Variants in ESRRG observed in about 807,000 individuals in gnomAD.
ESRRG encodes the protein estrogen related receptor gamma, also known as estrogen-related receptor gamma.
In ESRRG, 13 loss-of-function variants were observed where a neutral mutation model predicts 44.0. That is an observed-to-expected ratio of 0.30 (90% CI 0.19 to 0.47). ESRRG has a LOEUF of 0.47. Among genes scored for constraint, ESRRG ranks in the 20% least tolerant of loss-of-function variants. The pLI, the probability that ESRRG is intolerant of heterozygous loss-of-function variation, is 1.00. For missense variants in ESRRG, 395 were observed against 580.6 expected (o/e 0.68, Z 3.29); for synonymous variants, 215 against 214.6 (o/e 1.00, Z -0.02).
At chr1:216,680,590 C>A (rs1203189132) in intron 1 of ESRRG, among the ~76,000 whole-genome samples, 2 of 152,204 alleles carry the variant, frequency 1.3e-5, no homozygotes, top group Non-Finnish European at 2.9e-5. Context: ...CAGGTCTGCC[C>A]TACTGCATCA....
intron 3 of ESRRG, among the ~76,000 whole-genome samples, chr1:216,622,353 G>A (rs11577585): frequency 0.17 from 25,503 of 152,024 alleles, 2,379 homozygotes; most frequent in Middle Eastern, 0.26. Flanking sequence ...TTCAGGAACC[G>A]AACCCTGATG....
At chr1:216,592,604 G>T (rs374878057) in intron 3 of ESRRG, among the ~76,000 whole-genome samples, 1 of 151,858 alleles carries the variant, frequency 6.6e-6, no homozygotes, top group Non-Finnish European at 1.5e-5. Context: ...AGGTTCAAGC[G>T]ATTCTCCTGC....
intron 1 of ESRRG, chr1:216,701,440 T>C (rs1487967636): frequency 1.3e-5 from 2 of 152,350 alleles, no homozygotes; most frequent in African/African-American, 4.8e-5. Context: ...CGTTCCTCTA[T>C]GCACAGATGC....
At chr1:216,732,434 T>C (rs1322698220) in intron 2 of ESRRG, among the ~76,000 whole-genome samples, 1 of 151,510 alleles carries the variant, frequency 6.6e-6, no homozygotes, top group African/African-American at 2.4e-5. Context: ...TGGTGTGCAG[T>C]GGCACAATCT....
In ESRRG at chr1:216,925,642, C is replaced by T. The variant is rs1396257061; in HGVS notation, c.-14+13940G>A. 2.6e-5 allele frequency among the ~76,000 whole-genome samples: 4 copies of T among 151,742 alleles called. No individual in the cohort carries two copies. The East Asian group carries it at 7.8e-4, about 30-fold the overall frequency. On this transcript the variant is annotated intron_variant, in intron 2 of 7. Coordinates refer to the ESRRG transcript ENST00000359162. ...GTGGGGGCGGAATGCTCCTTCTTTT[C>T]CTGGTTTATTCAAAGTGGGTCTGCT...
At chr1:216,928,636 G>A (rs1162505167) in intron 2 of ESRRG, among the ~76,000 whole-genome samples, 1 of 152,006 alleles carries the variant, frequency 6.6e-6, no homozygotes, top group Non-Finnish European at 1.5e-5. Flanking sequence ...CCATCACCCA[G>A]GTTACTAGAT....
intron 6 of ESRRG, among the ~76,000 whole-genome samples, chr1:216,510,745 C>T (rs1259591261): frequency 1.3e-5 from 2 of 152,046 alleles, no homozygotes; most frequent in African/African-American, 2.4e-5. Context: ...ATTAGCCGGG[C>T]GTAGTGGTGG....
At chr1:216,905,104 C>G (rs2059540350) in intron 2 of ESRRG, among the ~76,000 whole-genome samples, 1 of 152,138 alleles carries the variant, frequency 6.6e-6, no homozygotes, top group Admixed American at 6.5e-5. Context: ...ACAAGGAATA[C>G]TACAGGGACG....
At chr1:216,688,198 G>A (rs1025110810) in intron 1 of ESRRG, among the ~76,000 whole-genome samples, 2 of 152,184 alleles carry the variant, frequency 1.3e-5, no homozygotes, top group African/African-American at 2.4e-5. Flanking sequence ...TTCTAAATAT[G>A]ACAAGGTGCT....
intron 2 of ESRRG, among the ~76,000 whole-genome samples, chr1:216,915,765 G>A (rs1347603173): frequency 6.6e-6 from 1 of 152,186 alleles, no homozygotes. Flanking sequence ...AAGAACCCAG[G>A]AATGTCTATT....
At chr1:217,106,603 G>A (rs2092600184) in intron 1 of ESRRG, among the ~76,000 whole-genome samples, 1 of 152,128 alleles carries the variant, frequency 6.6e-6, no homozygotes, top group Non-Finnish European at 1.5e-5. Context: ...TGGATCAGGA[G>A]GGATTTTCTG....
chr1:217,039,721 C>T (rs998759638), intron 1 of ESRRG, among the ~76,000 whole-genome samples: 20 of 152,294 alleles, frequency 1.3e-4, no homozygotes, highest in African/African-American at 4.6e-4. Context: ...CTTTAAAGCA[C>T]TTAAATTAAG....
At chr1:216,964,633 C>T (rs578087278) in intron 1 of ESRRG, among the ~76,000 whole-genome samples, 6 of 152,122 alleles carry the variant, frequency 3.9e-5, no homozygotes, top group African/African-American at 1.2e-4. Context: ...TAAAGCTACA[C>T]CTGGAAGGAA....
At chr1:216,618,263 A>G (rs1857407) in intron 3 of ESRRG, among the ~76,000 whole-genome samples, 63,196 of 152,116 alleles carry the variant, frequency 0.42, 13,901 homozygotes, top group Middle Eastern at 0.51. Flanking sequence ...ACCCTGATAG[A>G]TTTGCGTGTT....
chr1:216,869,525 C>T (rs868296872), intron 2 of ESRRG, among the ~76,000 whole-genome samples: 41 of 152,032 alleles, frequency 2.7e-4, no homozygotes, highest in Admixed American at 5.2e-4. Context: ...TTCAGTTATG[C>T]TAGCTCCTTT....
At chr1:217,135,932 C>A (rs1317792826) in intron 1 of ESRRG, among the ~76,000 whole-genome samples, 1 of 152,082 alleles carries the variant, frequency 6.6e-6, no homozygotes, top group East Asian at 1.9e-4. Flanking sequence ...TTTCTGGGGA[C>A]GACCTTACTC....
intron 3 of ESRRG, among the ~76,000 whole-genome samples, chr1:216,581,906 G>A (rs1469377439): frequency 6.6e-6 from 1 of 152,176 alleles, no homozygotes; most frequent in African/African-American, 2.4e-5. Flanking sequence ...CAGGCCACCC[G>A]TTTCTAGTCT....
rs191078580 is a variant in ESRRG at position 216,797,682 on chromosome 1, T to G, written c.-13-120191A>C. Among the ~76,000 whole-genome samples the G allele has an allele frequency of 1.6e-4, 25 of 152,192 alleles. No individual in the cohort carries two copies. In the East Asian group the frequency reaches 4.8e-3, roughly 29 times the overall value. Reference sequence around the variant, plus strand: ...TTGGGATCAGACAGGGGTTGTGGGTTTTTTGGGGAGGGAGACCACAGACCT... The same window carrying G: ...TTGGGATCAGACAGGGGTTGTGGGTGTTTTGGGGAGGGAGACCACAGACCT... On this transcript the variant is annotated intron_variant, in intron 2 of 7. Coordinates refer to the ESRRG transcript ENST00000359162.
Position 216,507,176 on chromosome 1 carries a change from C to A in ESRRG, c.1140G>T (p.Met380Ile). ...GAACGGCTTCAACATCTTCTATGTG[C>A]ATGGAGTCTGTGCAATGAAGCAAAA... is the stretch of plus-strand genomic sequence containing the variant. ...KAIALANSDSMHIEDVEAVQK... is the reference protein window; with the variant it reads ...KAIALANSDSIHIEDVEAVQK... Residue 380 changes from methionine to isoleucine, a missense_variant, in exon 7 of 7, where the codon ATG becomes ATT. Transcript: ENST00000408911. The A allele has an allele frequency of 1.2e-6, 2 of 1,606,840 alleles. No homozygotes were observed. The highest frequency in any genetic ancestry group is 1.7e-6 in the Non-Finnish European group (2 of 1,176,430).
Sources: gnomAD v4.1 joint callset for allele counts (sites outside exome capture counted in the v4.1 genomes callset) on GRCh38, gnomAD v4.1.1 for gene constraint, MANE v1.5 for transcripts, NCBI Gene and HGNC (gene_info 2026-07-23, HGNC 2026-07-21) for gene names.